The following ZNF615 variants were observed in gnomAD, a reference collection of about 807,000 sequenced individuals.
The protein encoded by ZNF615 is zinc finger protein 615.
Under a neutral mutation model 15.3 loss-of-function variants are expected in ZNF615, and 15 were observed. The observed-to-expected ratio is 0.98, with a 90% CI of 0.66 to 1.51. The LOEUF is 1.51. ZNF615 is among the 40% of genes most tolerant of loss of function. ZNF615 has a pLI of 0.00. For missense variants in ZNF615, 848 were observed against 895.9 expected (o/e 0.95, Z 0.68); for synonymous variants, 268 against 294.6 (o/e 0.91, Z 0.92).
intron 2 of ZNF615, among the ~76,000 whole-genome samples, chr19:52,006,210 C>CTT (rs1466962792): frequency 6.6e-6 from 1 of 151,688 alleles, no homozygotes; most frequent in Non-Finnish European, 1.5e-5. Flanking sequence ...GATGGTAGTT[C>CTT]AGTAATATAA....
rs1470823965 is a variant in ZNF615, at chr19:52,001,919, G to C, written c.143-11C>G. On this transcript the variant is annotated splice_polypyrimidine_tract_variant and intron_variant, in intron 4 of 6. Coordinates refer to ENST00000598071, the MANE Select transcript of ZNF615 (RefSeq NM_001199324.2). ...TGCTGGCTTGATACCCTGTTCATGGGAAATGACAGAAGATTTAGACAAATC... is the reference window on the plus strand; with the variant it reads ...TGCTGGCTTGATACCCTGTTCATGGCAAATGACAGAAGATTTAGACAAATC... 6.2e-7 allele frequency: 1 copy of C among 1,613,732 alleles called. No individual in the cohort carries two copies. The highest frequency in any genetic ancestry group is 1.7e-5 in the Admixed American group (1 of 60,024).
At chr19:52,004,328 A>C (rs1317205184) in intron 2 of ZNF615, 1 of 152,192 alleles carries the variant, frequency 6.6e-6, no homozygotes, top group Non-Finnish European at 1.5e-5. Context: ...GTCCTAAGCA[A>C]ATAATAAGCA....
chr19:51,993,138 G>A lies in ZNF615; in HGVS notation c.1971C>T (p.His657=), dbSNP rs764054748. ...TACATGCAAAGGAAGTCTTTCCTGT[G>A]TGAAATCGCTGATGTTGTATGAGGC... is the stretch of plus-strand genomic sequence containing the variant. ...KTCLIQHQRF[H]TGKTSFACTE... The change falls in exon 7 of 7, where the codon CAC becomes CAT. Residue 657 remains histidine, a synonymous_variant. Coordinates refer to ENST00000598071, the MANE Select transcript of ZNF615 (RefSeq NM_001199324.2). The A allele has an allele frequency of 6.2e-7, 1 of 1,614,232 alleles. No individual in the cohort carries two copies. The highest frequency in any genetic ancestry group is 8.5e-7 in the Non-Finnish European group (1 of 1,180,034).
intron 1 of ZNF615, among the ~76,000 whole-genome samples, chr19:52,007,734 A>C (rs1259435736): frequency 6.6e-6 from 1 of 152,174 alleles, no homozygotes; most frequent in Non-Finnish European, 1.5e-5. Context: ...TTCCTCAATC[A>C]TTTAGTCCCA....
chr19:52,001,394 C>T (rs2086584719), intron 5 of ZNF615, among the ~76,000 whole-genome samples: 3 of 151,922 alleles, frequency 2.0e-5, no homozygotes, highest in East Asian at 1.9e-4. Context: ...CCAAGGTGGG[C>T]AGATCACAAG....
At position 51,993,299 on chromosome 19, in the gene ZNF615, C is replaced by T; in HGVS notation, c.1810G>A (p.Glu604Lys). The part of the protein sequence containing the change: ...LIAHQRTHTG[E>K]KPYICNECGK... ...CATTCATTGCATATATAAGGTTTCT[C>T]CCCAGTATGAGTTCGCTGATGTGCA... The change falls in exon 7 of 7, where the codon GAG (glutamate) becomes AAG (lysine). Residue 604 changes from glutamate (E) to lysine (K), a missense_variant. Coordinates refer to ENST00000598071, the MANE Select transcript of ZNF615 (RefSeq NM_001199324.2). The T allele has an allele frequency of 6.2e-7, 1 of 1,614,126 alleles. No individual in the cohort carries two copies. The highest frequency in any genetic ancestry group is 8.5e-7 in the Non-Finnish European group (1 of 1,180,014).
At chr19:52,006,835 A>G (rs565404910) in intron 2 of ZNF615, among the ~76,000 whole-genome samples, 1 of 152,270 alleles carries the variant, frequency 6.6e-6, no homozygotes, top group African/African-American at 2.4e-5. Flanking sequence ...AGGCAGAGAG[A>G]AAAATATTGT....
At chr19:51,999,789 C>A (rs762633290) in intron 6 of ZNF615, among the ~76,000 whole-genome samples, 1 of 152,014 alleles carries the variant, frequency 6.6e-6, no homozygotes, top group Non-Finnish European at 1.5e-5. Context: ...AAATAATATA[C>A]GATATTAAAA....
chr19:52,001,423 T>C (rs919823708), intron 5 of ZNF615, among the ~76,000 whole-genome samples: 5 of 151,870 alleles, frequency 3.3e-5, no homozygotes, highest in Non-Finnish European at 5.9e-5. Context: ...ATCAAGACCA[T>C]CCTGGCCAAT....
intron 6 of ZNF615, among the ~76,000 whole-genome samples, chr19:51,996,385 CAAAAAAA>C (rs1172310589): frequency 0.019 from 618 of 33,300 alleles, 8 homozygotes; most frequent in African/African-American, 0.069. Context: ...GACTCTGTCT[CAAAAAAA>C]AAAAAAAAAA....
chr19:51,999,498 T>C, intron 6 of ZNF615, among the ~76,000 whole-genome samples: 1 of 152,350 alleles, frequency 6.6e-6, no homozygotes, highest in South Asian at 2.1e-4. Context: ...TTTGATAATA[T>C]ATATTTATAC....
chr19:51,997,262 G>A (rs1180699889), intron 6 of ZNF615, among the ~76,000 whole-genome samples: 1 of 152,080 alleles, frequency 6.6e-6, no homozygotes, highest in Non-Finnish European at 1.5e-5. Flanking sequence ...CCATGATTGT[G>A]CCACTGCACT....
chr19:52,001,165 C>T (rs937204865), intron 5 of ZNF615, among the ~76,000 whole-genome samples: 7 of 151,826 alleles, frequency 4.6e-5, no homozygotes, highest in African/African-American at 9.7e-5. Flanking sequence ...TCTCTCTTTC[C>T]GGAGAGGCCT....
chr19:52,002,582 A>G (rs754296452), intron 3 of ZNF615: 76 of 450,644 alleles, frequency 1.7e-4, no homozygotes, highest in Non-Finnish European at 2.8e-4. Flanking sequence ...AGTCATAAGT[A>G]TATGCCAGTT....
intron 6 of ZNF615, among the ~76,000 whole-genome samples, chr19:51,998,559 A>T (rs1489579331): frequency 6.6e-6 from 1 of 152,236 alleles, no homozygotes; most frequent in African/African-American, 2.4e-5. Context: ...GTTACTTCTA[A>T]GAGAACAAAA....
intron 3 of ZNF615, 31 bp from the exon 4 acceptor site, chr19:52,002,312 C>T (rs757519225): frequency 1.9e-6 from 3 of 1,613,226 alleles, no homozygotes; most frequent in Non-Finnish European, 2.5e-6. Context: ...TTAATGAAGT[C>T]ATATTCTTTT....
Position 52,003,872 on chromosome 19 carries a change from TG to T in ZNF615, c.-162del. The T allele has an allele frequency of 1.4e-6, 2 of 1,451,318 alleles. No individual in the cohort carries two copies. Among genetic ancestry groups the T allele is most frequent in the Admixed American group, 2.6e-5 (1 of 37,968 alleles). 89.9% of individuals were successfully genotyped at this position (1,451,318 alleles called of 1,614,324 possible). ...GGAAACTCCGCCTCCTTCCTTCACTTGATTTCTCTTGTTCTCAGCACCTGTG... is the reference window on the plus strand; with the variant it reads ...GGAAACTCCGCCTCCTTCCTTCACTTATTTCTCTTGTTCTCAGCACCTGTG... On this transcript the variant is annotated 5_prime_UTR_variant, in exon 3 of 7. It removes the in-frame stop codon of an upstream open reading frame in the 5' UTR. Coordinates refer to ENST00000598071, the MANE Select transcript of ZNF615 (RefSeq NM_001199324.2).
At chr19:52,003,308 C>T (rs951796628) in intron 3 of ZNF615, among the ~76,000 whole-genome samples, 7 of 152,178 alleles carry the variant, frequency 4.6e-5, no homozygotes, top group Admixed American at 1.3e-4. Flanking sequence ...TTAAGAACAC[C>T]ACCTACCATA....
Position 51,992,850 on chromosome 19 carries a change from T to C in ZNF615, c.*30A>G. The C allele has an allele frequency of 6.2e-7, 1 of 1,608,622 alleles. No individual in the cohort carries two copies. The highest frequency in any genetic ancestry group is 8.5e-7 in the Non-Finnish European group (1 of 1,176,072). On this transcript the variant is annotated 3_prime_UTR_variant, in exon 7 of 7. Transcript: ENST00000598071. ...CTTCTTTGCAGATATCTTAAGGGCC[T>C]ACATCTGGCAAGAGGCTTTCCCAAA...
Sources: gnomAD v4.1 joint callset for allele counts (sites outside exome capture counted in the v4.1 genomes callset) on GRCh38, gnomAD v4.1.1 for gene constraint, MANE v1.5 for transcripts, NCBI Gene and HGNC (gene_info 2026-07-23, HGNC 2026-07-21) for gene names.